CLSTN2: variants seen among roughly 807,000 people sequenced by gnomAD.
The protein encoded by CLSTN2 is calsyntenin 2.
In CLSTN2, 48 loss-of-function variants were observed where a neutral mutation model predicts 101.2. The observed-to-expected ratio is 0.47, with a 90% CI of 0.38 to 0.60. CLSTN2 has a LOEUF of 0.60. CLSTN2 is among the 20% of genes least tolerant of loss of function. The pLI is 0.00. For synonymous variants in CLSTN2, 481 were observed against 463.6 expected, an observed-to-expected ratio of 1.04 and a Z score of -0.48; for missense variants, 1,160 against 1,238.2, an observed-to-expected ratio of 0.94 and a Z score of 0.95.
chr3:140,110,655 T>C (rs779056351), intron 1 of CLSTN2, among the ~76,000 whole-genome samples: 7 of 152,214 alleles, frequency 4.6e-5, no homozygotes, highest in Non-Finnish European at 8.8e-5. Context: ...ATTTCTATTG[T>C]AGATCTAGGG....
chr3:140,278,106 G>A (rs1231957621), intron 2 of CLSTN2, among the ~76,000 whole-genome samples: 2 of 152,218 alleles, frequency 1.3e-5, no homozygotes, highest in African/African-American at 4.8e-5. Flanking sequence ...GATTAGAGTA[G>A]TCTGAGGGGG....
chr3:140,157,318 G>T (rs2009971357), intron 1 of CLSTN2, among the ~76,000 whole-genome samples: 1 of 152,062 alleles, frequency 6.6e-6, no homozygotes, highest in Non-Finnish European at 1.5e-5. Context: ...ATTGTTACCA[G>T]TTCTTCTTCA....
intron 1 of CLSTN2, among the ~76,000 whole-genome samples, chr3:139,981,256 C>T (rs967134888): frequency 1.2e-4 from 19 of 152,142 alleles, no homozygotes; most frequent in Non-Finnish European, 2.6e-4. Context: ...TTTGTGAAAA[C>T]GCAGTGATAT....
rs200216231 is a variant in CLSTN2 at position 140,392,848 on chromosome 3, A to AT, written c.233-10771dup. 2.1e-3 allele frequency among the ~76,000 whole-genome samples: 321 copies of AT among 149,578 alleles called. 6 individuals are homozygous for AT. The highest frequency in any genetic ancestry group is 0.019 in the East Asian group (97 of 5,114). ...AATTTTTTTTAAAAAAAAAGAACTT[A>AT]TTTTTTTTTTACAGTTATGGAGGGT... is the stretch of plus-strand genomic sequence containing the variant. On this transcript the variant is annotated intron_variant, in intron 2 of 16. Coordinates refer to ENST00000458420, the MANE Select transcript of CLSTN2 (RefSeq NM_022131.3).
At chr3:139,940,110 C>T (rs1275500914) in intron 1 of CLSTN2, among the ~76,000 whole-genome samples, 2 of 152,144 alleles carry the variant, frequency 1.3e-5, no homozygotes, top group Non-Finnish European at 2.9e-5. Flanking sequence ...GCTCAAAGAC[C>T]AGTGCTAGAG....
At chr3:140,331,887 G>A (rs1042572212) in intron 2 of CLSTN2, among the ~76,000 whole-genome samples, 21 of 152,272 alleles carry the variant, frequency 1.4e-4, no homozygotes, top group African/African-American at 4.6e-4. Context: ...CACTATGTCT[G>A]TTCCCTCCAA....
chr3:140,493,754 T>G (rs1335093891), intron 8 of CLSTN2, among the ~76,000 whole-genome samples: 1 of 152,248 alleles, frequency 6.6e-6, no homozygotes, highest in Non-Finnish European at 1.5e-5. Context: ...CACAGCAGTC[T>G]GTGAAGAGGA....
intron 4 of CLSTN2, among the ~76,000 whole-genome samples, chr3:140,409,755 A>G (rs917326903): frequency 1.3e-5 from 2 of 152,216 alleles, no homozygotes; most frequent in African/African-American, 4.8e-5. Flanking sequence ...AAATTGTTCT[A>G]AAGAAACTCA....
intron 1 of CLSTN2, among the ~76,000 whole-genome samples, chr3:140,085,361 G>T (rs933093164): frequency 6.6e-6 from 1 of 152,150 alleles, no homozygotes; most frequent in Non-Finnish European, 1.5e-5. Flanking sequence ...CCAGCCTTTA[G>T]ACCCGCTTAC....
At chr3:140,534,245 C>T (rs1373344056) in intron 9 of CLSTN2, among the ~76,000 whole-genome samples, 3 of 152,082 alleles carry the variant, frequency 2.0e-5, no homozygotes, top group Non-Finnish European at 4.4e-5. Flanking sequence ...GGATAATGCC[C>T]CTAAGAAAAC....
intron 2 of CLSTN2, among the ~76,000 whole-genome samples, chr3:140,234,031 C>T (rs1275030457): frequency 6.6e-6 from 1 of 152,104 alleles, no homozygotes; most frequent in African/African-American, 2.4e-5. Context: ...ATTCTTCATC[C>T]CTTAACAAAA....
chr3:140,404,470 G>A (rs868047207), intron 3 of CLSTN2, 88 bp from the exon 4 acceptor site: 1 of 1,208,894 alleles, frequency 8.3e-7, no homozygotes, highest in East Asian at 2.4e-5. Flanking sequence ...CTTGGCCTTG[G>A]GACCTCAGTC....
At chr3:140,489,146 T>C (rs1286090099) in intron 8 of CLSTN2, among the ~76,000 whole-genome samples, 1 of 152,098 alleles carries the variant, frequency 6.6e-6, no homozygotes, top group Non-Finnish European at 1.5e-5. Flanking sequence ...TGGATACTTT[T>C]GGGAAGAGAG....
chr3:140,089,537 G>A (rs1021155309), intron 1 of CLSTN2, among the ~76,000 whole-genome samples: 8 of 152,184 alleles, frequency 5.3e-5, no homozygotes, highest in African/African-American at 1.2e-4. Context: ...ATAAAGCCCC[G>A]TGTTTTTGAG....
intron 8 of CLSTN2, among the ~76,000 whole-genome samples, chr3:140,499,327 T>C (rs886323120): frequency 1.3e-5 from 2 of 152,198 alleles, no homozygotes; most frequent in African/African-American, 4.8e-5. Flanking sequence ...CTACTGACTG[T>C]AATAAAAATA....
At chr3:140,250,770 C>T (rs979298577) in intron 2 of CLSTN2, among the ~76,000 whole-genome samples, 2 of 152,096 alleles carry the variant, frequency 1.3e-5, no homozygotes, top group South Asian at 2.1e-4. Context: ...TCACTTTTTT[C>T]CCCCAAACTC....
chr3:140,133,773 C>G (rs140384134), intron 1 of CLSTN2, among the ~76,000 whole-genome samples: 79 of 152,246 alleles, frequency 5.2e-4, no homozygotes, highest in African/African-American at 1.8e-3. Context: ...TGCAGCAAAA[C>G]CAAAAATATT....
chr3:140,533,710 C>CAAAAAAAAAAAAAAAAAAAAAAAAAAA (rs71627883), intron 9 of CLSTN2, among the ~76,000 whole-genome samples: 1 of 58,874 alleles, frequency 1.7e-5, no homozygotes. Context: ...GACTCCATCT[C>CAAAAAAAAAAAAAAAAAAAAAAAAAAA]AAAAAAAAAA....
intron 1 of CLSTN2, among the ~76,000 whole-genome samples, chr3:140,143,833 G>A (rs1049598709): frequency 3.9e-5 from 6 of 152,360 alleles, no homozygotes; most frequent in Admixed American, 2.6e-4. Flanking sequence ...CAGGGAAGGC[G>A]TGTGGAGGGT....
Sources: allele counts gnomAD v4.1 joint callset (sites outside exome capture counted in the v4.1 genomes callset), GRCh38; gene constraint gnomAD v4.1.1; transcripts MANE v1.5; gene names NCBI Gene and HGNC (gene_info 2026-07-23, HGNC 2026-07-21).